SAMD5: variants seen among roughly 807,000 people sequenced by gnomAD.
SAMD5 encodes sterile alpha motif domain-containing protein 5.
In SAMD5, 13 loss-of-function variants were observed where a neutral mutation model predicts 11.3. The observed-to-expected ratio is 1.15, with a 90% CI of 0.75 to 1.83. The LOEUF (loss-of-function observed/expected upper bound fraction) is 1.83, where lower values mean the gene tolerates loss of function less well. SAMD5 is among the 40% of genes most tolerant of loss of function. The probability of loss-of-function intolerance (pLI) is 0.00; values close to 1 mark genes in which losing one functional copy is unlikely to be tolerated. For missense variants in SAMD5, 255 were observed against 239.1 expected (o/e 1.07, Z -0.44); for synonymous variants, 129 against 111.3 (o/e 1.16, Z -1.00).
chr6:147,930,812 C>CA, the SAMD5 span, among the ~76,000 whole-genome samples: 3 of 151,910 alleles, frequency 2.0e-5, no homozygotes, highest in East Asian at 1.9e-4. Flanking sequence ...AGAGTGTGAG[C>CA]AAAAAAAGAA....
At chr6:147,617,747 G>A (rs1301393440) in intron 1 of SAMD5, among the ~76,000 whole-genome samples, 1 of 152,182 alleles carries the variant, frequency 6.6e-6, no homozygotes, top group Non-Finnish European at 1.5e-5. Flanking sequence ...AAGGGAATTT[G>A]GCCATTGCCC....
the SAMD5 span, among the ~76,000 whole-genome samples, chr6:147,764,223 ATAT>A: frequency 6.6e-6 from 1 of 152,212 alleles, no homozygotes; most frequent in South Asian, 2.1e-4. Context: ...CATAGTGTAC[ATAT>A]TATCTGAGCT....
chr6:147,807,037 G>C, the SAMD5 span, among the ~76,000 whole-genome samples: 1 of 152,080 alleles, frequency 6.6e-6, no homozygotes, highest in African/African-American at 2.4e-5. Flanking sequence ...ATTTGATCTT[G>C]TACTTCATAG....
At chr6:147,951,308 C>T in the SAMD5 span, among the ~76,000 whole-genome samples, 74 of 151,914 alleles carry the variant, frequency 4.9e-4, no homozygotes, top group East Asian at 1.9e-4. Context: ...CAGCCTCCCA[C>T]GTAGCTGGGA....
the SAMD5 span, among the ~76,000 whole-genome samples, chr6:147,793,491 TTTAG>T: frequency 6.6e-6 from 1 of 152,158 alleles, no homozygotes; most frequent in Non-Finnish European, 1.5e-5. Context: ...AAGTATAGAC[TTTAG>T]TTAATTAGAA....
At chr6:147,884,415 G>A in the SAMD5 span, among the ~76,000 whole-genome samples, 2 of 152,158 alleles carry the variant, frequency 1.3e-5, no homozygotes, top group African/African-American at 4.8e-5. Flanking sequence ...AAGGACTTGT[G>A]TTTTCAAGTT....
At chr6:147,799,921 A>G in the SAMD5 span, among the ~76,000 whole-genome samples, 1 of 151,978 alleles carries the variant, frequency 6.6e-6, no homozygotes, top group East Asian at 1.9e-4. Flanking sequence ...CAGCTCCATC[A>G]GCTCCTTTAA....
intron 1 of SAMD5, among the ~76,000 whole-genome samples, chr6:147,514,559 C>A (rs568504384): frequency 6.6e-6 from 1 of 152,022 alleles, no homozygotes; most frequent in Admixed American, 6.5e-5. Context: ...GTTGTGCTGA[C>A]GTTTTGTTGA....
At position 147,525,031 on chromosome 6, in the gene SAMD5, C is replaced by G. The variant is rs965827561; in HGVS notation, c.459+15644C>G. Among the ~76,000 whole-genome samples the G allele has an allele frequency of 2.6e-5, 4 of 151,898 alleles. No individual in the cohort carries two copies. In the East Asian group the frequency reaches 7.7e-4, roughly 29 times the overall value. ...TGTACTGACCTCAGAGCCCGTGGGT[C>G]TCATCACTGTGCAATTTCTCCAAGA... On this transcript the variant is annotated intron_variant, in intron 1 of 1. Transcript: ENST00000367474.
chr6:147,546,511 C>A (rs1206467419), intron 1 of SAMD5, among the ~76,000 whole-genome samples: 1 of 108,448 alleles, frequency 9.2e-6, no homozygotes, highest in African/African-American at 3.7e-5. Flanking sequence ...GCCTGGGCAA[C>A]AAGAGCGAAA....
Position 147,509,363 on chromosome 6 carries a change from G to T in SAMD5, c.435G>T (p.Leu145=). 6.4e-7 allele frequency: 1 copy of T among 1,569,678 alleles called. No homozygotes were observed. The highest frequency in any genetic ancestry group is 1.2e-5 in the South Asian group (1 of 84,894). ...RDKLVRDGIH[L]SKPPYSRKVP... ...AGCTCGTCCGTGACGGCATCCACCT[G>T]AGCAAGCCCCCGTACTCCCGCAAGG... The change falls in exon 1 of 2, where the codon CTG becomes CTT. Residue 145 remains leucine (L), a synonymous_variant. Transcript: ENST00000367474.
chr6:147,824,427 A>G, the SAMD5 span, among the ~76,000 whole-genome samples: 2 of 152,234 alleles, frequency 1.3e-5, no homozygotes, highest in African/African-American at 4.8e-5. Flanking sequence ...TAACAGAGGG[A>G]AAATAACACA....
chr6:147,863,070 C>T, the SAMD5 span, among the ~76,000 whole-genome samples: 1 of 152,112 alleles, frequency 6.6e-6, no homozygotes, highest in African/African-American at 2.4e-5. Flanking sequence ...TAAATGATTT[C>T]CCCTTACAAA....
the SAMD5 span, among the ~76,000 whole-genome samples, chr6:147,801,017 T>G: frequency 6.6e-6 from 1 of 152,188 alleles, no homozygotes; most frequent in South Asian, 2.1e-4. Flanking sequence ...TACATGTATT[T>G]TATTATATCA....
At position 147,511,864 on chromosome 6, in the gene SAMD5, A is replaced by G. The variant is rs555578289; in HGVS notation, c.459+2477A>G. Reference sequence around the variant, plus strand: ...GTTTTCTGATGTAGCTAGTTTCTTCATGAGCAGTGCTAGAACTTTTTCTTT... The same window carrying G: ...GTTTTCTGATGTAGCTAGTTTCTTCGTGAGCAGTGCTAGAACTTTTTCTTT... On this transcript the variant is annotated intron_variant, in intron 1 of 1. Coordinates refer to ENST00000367474, the MANE Select transcript of SAMD5 (RefSeq NM_001030060.3). Among the ~76,000 whole-genome samples, 3 of 152,308 alleles carry G rather than the reference A, an allele frequency of 2.0e-5. No homozygotes were observed. In the East Asian group the frequency reaches 5.8e-4, roughly 29 times the overall value.
intron 1 of SAMD5, among the ~76,000 whole-genome samples, chr6:147,683,332 T>C (rs1207967628): frequency 6.6e-6 from 1 of 152,234 alleles, no homozygotes; most frequent in East Asian, 1.9e-4. Context: ...ATTTTTAAAC[T>C]TTTTGGTCTC....
chr6:147,751,245 C>T, the SAMD5 span, among the ~76,000 whole-genome samples: 2 of 152,154 alleles, frequency 1.3e-5, no homozygotes, highest in African/African-American at 4.8e-5. Context: ...TGCAACTCCC[C>T]CTTGCTCTAC....
chr6:147,890,815 C>G, the SAMD5 span, among the ~76,000 whole-genome samples: 1 of 151,686 alleles, frequency 6.6e-6, no homozygotes, highest in South Asian at 2.1e-4. Context: ...CATCCTCTTT[C>G]AGTTCTGGCA....
the SAMD5 span, among the ~76,000 whole-genome samples, chr6:147,792,271 G>C: frequency 6.6e-6 from 1 of 152,122 alleles, no homozygotes; most frequent in Non-Finnish European, 1.5e-5. Flanking sequence ...ATAAAAGGTT[G>C]CCAATTCTGA....
Sources: allele counts gnomAD v4.1 joint callset (sites outside exome capture counted in the v4.1 genomes callset), GRCh38; gene constraint gnomAD v4.1.1; transcripts MANE v1.5; gene names NCBI Gene and HGNC (gene_info 2026-07-23, HGNC 2026-07-21).